Variants in GLYATL2 observed in about 807,000 individuals in gnomAD.
GLYATL2 encodes the protein glycine-N-acyltransferase like 2, also known as glycine N-acyltransferase-like protein 2.
In GLYATL2, 25 loss-of-function variants were observed where a neutral mutation model predicts 21.4. The observed-to-expected ratio is 1.17, with a 90% CI of 0.85 to 1.63. The LOEUF is 1.63. Among genes scored for constraint, GLYATL2 ranks in the 40% most tolerant of loss-of-function variants. The pLI is 0.00. For missense variants in GLYATL2, 361 were observed against 343.3 expected (o/e 1.05, Z -0.41); for synonymous variants, 114 against 118.2 (o/e 0.96, Z 0.23).
intron 1 of GLYATL2, among the ~76,000 whole-genome samples, chr11:58,898,883 G>A (rs1854682971): frequency 6.6e-6 from 1 of 152,070 alleles, no homozygotes; most frequent in South Asian, 2.1e-4. Context: ...ATGTAAATAT[G>A]CTACTGATAT....
At chr11:58,862,378 T>C (rs1478851960) in intron 1 of GLYATL2, among the ~76,000 whole-genome samples, 2 of 152,190 alleles carry the variant, frequency 1.3e-5, no homozygotes, top group Non-Finnish European at 2.9e-5. Context: ...CTGCTATTAT[T>C]TCATCAGATA....
At chr11:58,869,483 A>T (rs992788922) in intron 1 of GLYATL2, among the ~76,000 whole-genome samples, 15 of 152,150 alleles carry the variant, frequency 9.9e-5, no homozygotes, top group African/African-American at 3.6e-4. Flanking sequence ...TCACTGGTTT[A>T]CCTATCAAGG....
intron 1 of GLYATL2, among the ~76,000 whole-genome samples, chr11:58,864,811 C>A (rs1368494558): frequency 2.0e-5 from 3 of 149,118 alleles, no homozygotes; most frequent in African/African-American, 7.3e-5. Context: ...AAGTCCCATT[C>A]TGACATTTTG....
chr11:58,863,098 G>T (rs1853960894), intron 1 of GLYATL2, among the ~76,000 whole-genome samples: 1 of 148,218 alleles, frequency 6.7e-6, no homozygotes, highest in Admixed American at 6.8e-5. Context: ...TGTAGAGTGG[G>T]GCCTAAATCC....
intron 1 of GLYATL2, among the ~76,000 whole-genome samples, chr11:58,854,490 G>T (rs1289433874): frequency 2.0e-5 from 3 of 152,214 alleles, no homozygotes; most frequent in African/African-American, 7.2e-5. Flanking sequence ...ATAATTTACT[G>T]CTAAAAATGC....
At position 58,838,301 on chromosome 11, in the gene GLYATL2, C is replaced by A; in HGVS notation, c.146G>T (p.Trp49Leu). 6.2e-7 allele frequency: 1 copy of A among 1,613,380 alleles called. No individual in the cohort carries two copies. The change falls in exon 3 of 6, where the codon TGG (tryptophan) becomes TTG (leucine). Residue 49 changes from tryptophan (W) to leucine (L), a missense_variant. Physicochemically the swap from Trp to Leu is moderately conservative, Grantham distance 61 (BLOSUM62 -2). Transcript: ENST00000287275. ...PFNMEVLVDAWPDYQIVITRP... is the reference protein window; with the variant it reads ...PFNMEVLVDALPDYQIVITRP... ...GGTAATGACGATCTGGTAATCTGGC[C>A]AGGCATCTACCAGCACCTCCATGTT...
chr11:58,896,594 G>A (rs1047128218), intron 1 of GLYATL2, among the ~76,000 whole-genome samples: 2 of 152,232 alleles, frequency 1.3e-5, no homozygotes, highest in African/African-American at 2.4e-5. Context: ...TGAATGCCAC[G>A]GCTGCCACCA....
chr11:58,871,649 T>C (rs1180372527), intron 1 of GLYATL2, among the ~76,000 whole-genome samples: 1 of 152,188 alleles, frequency 6.6e-6, no homozygotes, highest in Non-Finnish European at 1.5e-5. Context: ...TTCCATGGTG[T>C]ATATGTGCCA....
chr11:58,899,797 A>T (rs1409558233), intron 1 of GLYATL2, among the ~76,000 whole-genome samples: 1 of 151,372 alleles, frequency 6.6e-6, no homozygotes, highest in African/African-American at 2.4e-5. Flanking sequence ...ATATTTATTT[A>T]ACATGTTAAT....
upstream of GLYATL2, among the ~76,000 whole-genome samples, chr11:58,904,996 T>C (rs773215125): frequency 2.0e-5 from 3 of 152,242 alleles, no homozygotes; most frequent in Non-Finnish European, 4.4e-5. Flanking sequence ...AACAGTAAGA[T>C]GTTTTCTCAA....
chr11:58,900,694 G>A (rs1461105093), intron 1 of GLYATL2, among the ~76,000 whole-genome samples: 1 of 152,136 alleles, frequency 6.6e-6, no homozygotes, highest in Non-Finnish European at 1.5e-5. Context: ...AAGCAACCTT[G>A]GACTAACAGG....
intron 1 of GLYATL2, among the ~76,000 whole-genome samples, chr11:58,867,535 T>C (rs550030008): frequency 6.7e-6 from 1 of 148,852 alleles, no homozygotes; most frequent in Non-Finnish European, 1.5e-5. Flanking sequence ...TGGAAGAACA[T>C]TCAAGACTAG....
intron 1 of GLYATL2, among the ~76,000 whole-genome samples, chr11:58,879,799 T>C (rs755463051): frequency 6.6e-6 from 1 of 152,142 alleles, no homozygotes; most frequent in African/African-American, 2.4e-5. Context: ...ATGTGAATTA[T>C]ACGGTTAAAC....
chr11:58,838,602 G>C (rs548332192), intron 2 of GLYATL2, among the ~76,000 whole-genome samples: 38 of 152,152 alleles, frequency 2.5e-4, no homozygotes, highest in African/African-American at 8.9e-4. Context: ...TTAGGAACTG[G>C]CTTCCCTGAT....
intron 5 of GLYATL2, among the ~76,000 whole-genome samples, chr11:58,835,495 A>T (rs11229652): frequency 0.19 from 28,773 of 152,092 alleles, 2,882 homozygotes; most frequent in East Asian, 0.26. Flanking sequence ...TTGTGAAATT[A>T]CAGTAATATC....
At chr11:58,907,445 G>A (rs1308209581), upstream of GLYATL2, 1 of 447,700 alleles carries the variant, frequency 2.2e-6, no homozygotes, top group South Asian at 1.6e-5. Flanking sequence ...CTAGTTCCTT[G>A]CAAACCATTA....
intron 1 of GLYATL2, among the ~76,000 whole-genome samples, chr11:58,901,993 T>A (rs933907521): frequency 6.6e-6 from 1 of 152,168 alleles, no homozygotes; most frequent in African/African-American, 2.4e-5. Flanking sequence ...GAGAGGCTCC[T>A]TGGAGCCTCT....
upstream of GLYATL2, among the ~76,000 whole-genome samples, chr11:58,846,784 T>C (rs1375991146): frequency 2.6e-5 from 4 of 152,106 alleles, no homozygotes; most frequent in Non-Finnish European, 4.4e-5. Flanking sequence ...AACTCTTAAG[T>C]GAGTCCTAGT....
At chr11:58,845,462 A>C (rs1401678888), upstream of GLYATL2, among the ~76,000 whole-genome samples, 4 of 152,134 alleles carry the variant, frequency 2.6e-5, no homozygotes, top group African/African-American at 9.7e-5. Flanking sequence ...AATTAGCCAG[A>C]TGTAGTGGCA....
Sources: gnomAD v4.1 joint callset for allele counts (sites outside exome capture counted in the v4.1 genomes callset) on GRCh38, gnomAD v4.1.1 for gene constraint, MANE v1.5 for transcripts, NCBI Gene and HGNC (gene_info 2026-07-23, HGNC 2026-07-21) for gene names.